NF2: variants seen among roughly 807,000 people sequenced by gnomAD.
NF2 encodes the protein merlin.
A neutral mutation model predicts 83.7 loss-of-function variants in NF2; 8 were observed. The ratio of observed to expected loss-of-function variants is 0.10; its 90% CI spans 0.06 to 0.17. The LOEUF (loss-of-function observed/expected upper bound fraction) is 0.17, where lower values mean the gene tolerates loss of function less well. NF2 is among the 10% of genes least tolerant of loss of function. The probability of loss-of-function intolerance (pLI) is 1.00; values close to 1 mark genes in which losing one functional copy is unlikely to be tolerated. For missense variants in NF2, 533 were observed against 744.4 expected (o/e 0.72, Z 3.31); for synonymous variants, 266 against 269.6 (o/e 0.99, Z 0.13).
chr22:29,676,249 CT>C (rs1569308366), intron 13 of NF2, among the ~76,000 whole-genome samples: 1 of 152,090 alleles, frequency 6.6e-6, no homozygotes, highest in African/African-American at 2.4e-5. Context: ...TCTCGGCTCA[CT>C]GCAACCTTAG....
In NF2 at chr22:29,642,193, T is replaced by C. The variant is rs767658752; in HGVS notation, c.364-9T>C. 42 of 1,612,008 alleles carry C rather than the reference T, an allele frequency of 2.6e-5. No homozygotes were observed. The highest frequency in any genetic ancestry group is 4.0e-5 in the African/African-American group (3 of 74,898). On this transcript the variant is annotated splice_polypyrimidine_tract_variant and intron_variant, in intron 3 of 15. Coordinates refer to ENST00000338641, the MANE Select transcript of NF2 (RefSeq NM_000268.4). ...CAGAGTATCATGTCTCCCTTGTTGC[T>C]CCTTTCAGGTAAAGAAGCAGATTTT...
intron 1 of NF2, among the ~76,000 whole-genome samples, chr22:29,605,025 G>A (rs2064748833): frequency 6.6e-6 from 1 of 152,192 alleles, no homozygotes; most frequent in African/African-American, 2.4e-5. Flanking sequence ...CTGTCACCGA[G>A]GCTGGCATGC....
At chr22:29,613,062 C>T (rs921241278) in intron 1 of NF2, among the ~76,000 whole-genome samples, 2 of 151,696 alleles carry the variant, frequency 1.3e-5, no homozygotes, top group African/African-American at 4.8e-5. Flanking sequence ...CGCCACTGCA[C>T]TCCAGCTTGG....
In NF2 at chr22:29,668,453, A is replaced by C. The variant is rs2147053369; in HGVS notation, c.999+7A>C. The C allele has an allele frequency of 1.9e-6, 3 of 1,606,170 alleles. No homozygotes were observed. The highest frequency in any genetic ancestry group is 2.6e-6 in the Non-Finnish European group (3 of 1,173,080). On this transcript the variant is annotated splice_region_variant and intron_variant, in intron 10 of 15. Coordinates refer to ENST00000338641, the MANE Select transcript of NF2 (RefSeq NM_000268.4). ...GGAGAAGGCTAGAAAGCAGGTGAGC[A>C]CAACCTTGTTTTAACTGATGATGTC...
At chr22:29,666,552 A>C (rs1008270626) in intron 9 of NF2, among the ~76,000 whole-genome samples, 1 of 152,070 alleles carries the variant, frequency 6.6e-6, no homozygotes, top group African/African-American at 2.4e-5. Flanking sequence ...GGGGTGGCTC[A>C]CGCCTGTAAT....
intron 1 of NF2, among the ~76,000 whole-genome samples, chr22:29,619,498 G>A (rs2065160244): frequency 1.3e-5 from 2 of 152,076 alleles, no homozygotes; most frequent in Admixed American, 6.6e-5. Context: ...CTGGGTTCAA[G>A]CAATTCTCCT....
intron 1 of NF2, among the ~76,000 whole-genome samples, chr22:29,606,530 GA>G (rs2064802546): frequency 2.6e-5 from 4 of 152,210 alleles, no homozygotes. Context: ...CCCTAAAACA[GA>G]TAGCTCCTAA....
At chr22:29,652,231 A>G (rs2066170637) in intron 4 of NF2, among the ~76,000 whole-genome samples, 1 of 152,190 alleles carries the variant, frequency 6.6e-6, no homozygotes, top group East Asian at 1.9e-4. Flanking sequence ...GACAAATGAA[A>G]GACAGATTTG....
intron 1 of NF2, among the ~76,000 whole-genome samples, chr22:29,613,790 C>T (rs12165952): frequency 0.28 from 41,581 of 149,928 alleles, 6,713 homozygotes; most frequent in Admixed American, 0.4. Flanking sequence ...GATGGAGTCT[C>T]GCTCTGTCAT....
At chr22:29,683,241 A>C in intron 15 of NF2, 1 of 1,537,996 alleles carries the variant, frequency 6.5e-7, no homozygotes, top group Non-Finnish European at 8.7e-7. Context: ...CCACCCTGTG[A>C]AGCCAGACCA....
chr22:29,627,015 T>C (rs1042461691), intron 1 of NF2, among the ~76,000 whole-genome samples: 2 of 152,118 alleles, frequency 1.3e-5, no homozygotes, highest in Non-Finnish European at 1.5e-5. Flanking sequence ...AGTCAACTCA[T>C]GATTATTAGG....
chr22:29,643,091 GTTGTCCCCAGAA>G (rs1425380481), intron 4 of NF2, among the ~76,000 whole-genome samples: 1 of 151,778 alleles, frequency 6.6e-6, no homozygotes, highest in African/African-American at 2.4e-5. Context: ...AGCACAAGAT[GTTGTCCCCAGAA>G]TTGGGGCTCC....
At chr22:29,653,443 C>CAAA (rs57099430) in intron 4 of NF2, among the ~76,000 whole-genome samples, 3 of 94,332 alleles carry the variant, frequency 3.2e-5, no homozygotes, top group African/African-American at 4.3e-5. Context: ...GACTCTGTCT[C>CAAA]AAAAAAAAAA....
chr22:29,669,828 T>G (rs1204830128), intron 10 of NF2, among the ~76,000 whole-genome samples: 14 of 152,218 alleles, frequency 9.2e-5, no homozygotes, highest in Non-Finnish European at 1.5e-4. Context: ...AGACCTTAGT[T>G]TTCTCATCCA....
At chr22:29,692,994 A>G (rs1313320352) in intron 15 of NF2, among the ~76,000 whole-genome samples, 1 of 152,250 alleles carries the variant, frequency 6.6e-6, no homozygotes, top group East Asian at 1.9e-4. Flanking sequence ...TGCACCAGGC[A>G]GCTGACTGTG....
intron 15 of NF2, among the ~76,000 whole-genome samples, chr22:29,682,470 C>T (rs1473892345): frequency 1.3e-5 from 2 of 152,162 alleles, no homozygotes; most frequent in African/African-American, 2.4e-5. Flanking sequence ...TGCCTGCCTT[C>T]GTTGTTGGGT....
intron 11 of NF2, among the ~76,000 whole-genome samples, chr22:29,672,918 C>T (rs1367756958): frequency 6.6e-6 from 1 of 152,216 alleles, no homozygotes; most frequent in East Asian, 1.9e-4. Context: ...CCGTGCCCCA[C>T]CTGCCACATG....
chr22:29,645,473 A>C (rs1368026028), intron 4 of NF2, among the ~76,000 whole-genome samples: 3 of 152,246 alleles, frequency 2.0e-5, no homozygotes, highest in African/African-American at 7.2e-5. Context: ...CATTCAACTA[A>C]AACATATGCT....
intron 14 of NF2, among the ~76,000 whole-genome samples, chr22:29,680,985 CT>C (rs1165035396): frequency 6.6e-6 from 1 of 151,228 alleles, no homozygotes; most frequent in Non-Finnish European, 1.5e-5. Flanking sequence ...TCCATGAGAG[CT>C]GGTATTTGTA....
Sources: allele counts gnomAD v4.1 joint callset (sites outside exome capture counted in the v4.1 genomes callset), GRCh38; gene constraint gnomAD v4.1.1; transcripts MANE v1.5; gene names NCBI Gene and HGNC (gene_info 2026-07-23, HGNC 2026-07-21).